The following NPEPPS variants were observed in gnomAD, a reference collection of about 807,000 sequenced individuals.
NPEPPS encodes the protein puromycin-sensitive aminopeptidase.
Under a neutral mutation model 115.5 loss-of-function variants are expected in NPEPPS, and 14 were observed. That is an observed-to-expected ratio of 0.12 (90% CI 0.08 to 0.19). The LOEUF (loss-of-function observed/expected upper bound fraction) is 0.19, where lower values mean the gene tolerates loss of function less well. Among genes scored for constraint, NPEPPS ranks in the 10% least tolerant of loss-of-function variants. The pLI is 1.00. For missense variants in NPEPPS, 523 were observed against 1,110.8 expected, an observed-to-expected ratio of 0.47 and a Z score of 7.52; for synonymous variants, 285 against 390.6, an observed-to-expected ratio of 0.73 and a Z score of 3.19.
At chr17:47,571,470 G>A (rs1295975134) in intron 3 of NPEPPS, among the ~76,000 whole-genome samples, 1 of 152,194 alleles carries the variant, frequency 6.6e-6, no homozygotes, top group Non-Finnish European at 1.5e-5. Context: ...TGTAATCCCA[G>A]CACTTTGGGA....
At chr17:47,563,850 G>A (rs1483823504) in intron 2 of NPEPPS, among the ~76,000 whole-genome samples, 3 of 152,156 alleles carry the variant, frequency 2.0e-5, no homozygotes, top group African/African-American at 4.8e-5. Flanking sequence ...TATTACAGGC[G>A]TGAGCCACTG....
Position 47,587,277 on chromosome 17 carries a change from G to A in NPEPPS, c.1028G>A (p.Arg343His), listed in dbSNP as rs756058723. The A allele has an allele frequency of 5.6e-6, 9 of 1,607,556 alleles. No individual in the cohort carries two copies. Among genetic ancestry groups the A allele is most frequent in the East Asian group, 2.2e-5 (1 of 44,738 alleles). The stretch of plus-strand genomic sequence containing the variant: ...CCAAAAAATTCCTGTTCTTCATCCC[G>A]CCAGTGGGTTGCTCTGGTTGTGGGA... ...IDPKNSCSSS[R>H]QWVALVVGHE... is the part of the protein sequence containing the mutation. Residue 343 changes from arginine (R) to histidine (H), a missense_variant, in exon 9 of 23, where the codon CGC becomes CAC. Arg to His is a conservative substitution (Grantham distance 29, BLOSUM62 0). Coordinates refer to ENST00000322157, the MANE Select transcript of NPEPPS (RefSeq NM_006310.4).
chr17:47,558,213 C>T (rs111437819), intron 2 of NPEPPS, among the ~76,000 whole-genome samples: 11 of 148,856 alleles, frequency 7.4e-5, no homozygotes, highest in Admixed American at 4.7e-4. Context: ...CTGCAACCTC[C>T]GCCTCCCAGG....
intron 22 of NPEPPS, among the ~76,000 whole-genome samples, chr17:47,621,095 T>G (rs1914535107): frequency 6.6e-6 from 1 of 151,272 alleles, no homozygotes; most frequent in African/African-American, 2.4e-5. Context: ...GTGGGAGGTT[T>G]ACTTGAGCCC....
At chr17:47,601,844 A>G in intron 15 of NPEPPS, 97 bp downstream of exon 15, 2 of 1,276,644 alleles carry the variant, frequency 1.6e-6, no homozygotes, top group East Asian at 2.4e-5. Context: ...AAAGAAAAAA[A>G]AAAACCTAAA....
chr17:47,602,638 A>G (rs1913279372), intron 15 of NPEPPS, among the ~76,000 whole-genome samples: 1 of 119,770 alleles, frequency 8.3e-6, no homozygotes, highest in Admixed American at 8.3e-5. Flanking sequence ...ACGCCATCTC[A>G]AAAAAAAAAA....
intron 3 of NPEPPS, among the ~76,000 whole-genome samples, chr17:47,573,984 C>A (rs1453432366): frequency 6.6e-6 from 1 of 151,962 alleles, no homozygotes; most frequent in Non-Finnish European, 1.5e-5. Flanking sequence ...AAATGAAAAA[C>A]CTTTTTATAT....
At chr17:47,595,050 C>A (rs1912775280) in intron 12 of NPEPPS, among the ~76,000 whole-genome samples, 1 of 152,162 alleles carries the variant, frequency 6.6e-6, no homozygotes, top group African/African-American at 2.4e-5. Flanking sequence ...CCTGTCTCAG[C>A]CTCCCAAGTA....
chr17:47,611,717 C>T (rs1913887776), intron 17 of NPEPPS, among the ~76,000 whole-genome samples: 1 of 152,202 alleles, frequency 6.6e-6, no homozygotes, highest in African/African-American at 2.4e-5. Context: ...AAGCGATCCT[C>T]TTGCCTTGGC....
chr17:47,601,413 T>C (rs1913192890), intron 14 of NPEPPS, among the ~76,000 whole-genome samples, 195 bp from the exon 15 acceptor site: 1 of 152,166 alleles, frequency 6.6e-6, no homozygotes, highest in South Asian at 2.1e-4. Context: ...CAACATGTTG[T>C]GATTTTGTTA....
rs568949630 is a variant in NPEPPS at position 47,610,490 on chromosome 17, TCTC to T, written c.2096-1967_2096-1965del. Among the ~76,000 whole-genome samples the T allele has an allele frequency of 3.2e-4, 48 of 151,814 alleles. 1 individual carries two copies. The highest frequency in any genetic ancestry group is 9.2e-4 in the African/African-American group (38 of 41,352). ...CCTCCGCCTCCTGGGTTCAAGCAAT[TCTC>T]CTGCCTCAGCCTCCCCAGTAGCTGG... On this transcript the variant is annotated intron_variant, in intron 17 of 22. Transcript: ENST00000322157.
At chr17:47,614,218 C>G (rs1014292857) in intron 19 of NPEPPS, among the ~76,000 whole-genome samples, 1 of 152,168 alleles carries the variant, frequency 6.6e-6, no homozygotes, top group Non-Finnish European at 1.5e-5. Context: ...ATACACCCAC[C>G]TCAGCCTCCC....
chr17:47,553,964 A>G (rs935355319), intron 2 of NPEPPS, among the ~76,000 whole-genome samples: 5 of 150,934 alleles, frequency 3.3e-5, no homozygotes, highest in Admixed American at 6.6e-5. Flanking sequence ...GTTAGCCAGG[A>G]TGGTCTCCAT....
chr17:47,579,723 T>A (rs1911746518), intron 4 of NPEPPS: 2 of 431,822 alleles, frequency 4.6e-6, no homozygotes, highest in African/African-American at 4.1e-5. Flanking sequence ...TATACAGTTA[T>A]ACACACAGAC....
intron 2 of NPEPPS, among the ~76,000 whole-genome samples, chr17:47,553,369 CAAA>C (rs953039596): frequency 1.6e-5 from 2 of 125,468 alleles, no homozygotes; most frequent in African/African-American, 2.9e-5. Context: ...GACTTCTACT[CAAA>C]AAAAAAAAAA....
chr17:47,534,142 A>C (rs1448940668), intron 1 of NPEPPS, among the ~76,000 whole-genome samples: 2 of 151,728 alleles, frequency 1.3e-5, no homozygotes, highest in Non-Finnish European at 2.9e-5. Context: ...CCCAGGCTGG[A>C]GTGCAGTGGC....
chr17:47,537,986 C>T (rs1314300489), intron 1 of NPEPPS, among the ~76,000 whole-genome samples: 1 of 151,178 alleles, frequency 6.6e-6, no homozygotes, highest in African/African-American at 2.4e-5. Flanking sequence ...CTCCGCCTCC[C>T]AGGTTCAGGC....
Position 47,537,321 on chromosome 17 carries a change from A to G in NPEPPS, c.255+5766A>G, listed in dbSNP as rs1252191655. Reference sequence around the variant, plus strand: ...CAGTTTTGTATGCTAAGCTTTGTCTAATTCATCTGGCAATGAATTCTGCAG... The same window carrying G: ...CAGTTTTGTATGCTAAGCTTTGTCTGATTCATCTGGCAATGAATTCTGCAG... On this transcript the variant is annotated intron_variant, in intron 1 of 22. Coordinates refer to ENST00000322157, the MANE Select transcript of NPEPPS (RefSeq NM_006310.4). 4.0e-4 allele frequency among the ~76,000 whole-genome samples: 61 copies of G among 152,206 alleles called. 1 individual carries two copies. Among genetic ancestry groups the G allele is most frequent in the Non-Finnish European group, 4.4e-5 (3 of 68,040 alleles).
rs539103430 is a variant in NPEPPS at position 47,533,705 on chromosome 17, G to A, written c.255+2150G>A. ...TTCTCCTTACCTCTTTTCTACTTTTGTGGAAGACTGGTTTGTGCCATTGAG... is the reference window on the plus strand; with the variant it reads ...TTCTCCTTACCTCTTTTCTACTTTTATGGAAGACTGGTTTGTGCCATTGAG... On this transcript the variant is annotated intron_variant, in intron 1 of 22. Transcript: ENST00000322157. 1.1e-3 allele frequency among the ~76,000 whole-genome samples: 165 copies of A among 152,162 alleles called. 1 individual carries two copies. The highest frequency in any genetic ancestry group is 1.2e-3 in the Non-Finnish European group (84 of 68,016).
Sources: gnomAD v4.1 joint callset for allele counts (sites outside exome capture counted in the v4.1 genomes callset) on GRCh38, gnomAD v4.1.1 for gene constraint, MANE v1.5 for transcripts, NCBI Gene and HGNC (gene_info 2026-07-23, HGNC 2026-07-21) for gene names.